SLC44A5: variants seen among roughly 807,000 people sequenced by gnomAD.
SLC44A5 encodes choline transporter-like protein 5.
A neutral mutation model predicts 101.8 loss-of-function variants in SLC44A5; 57 were observed. The ratio of observed to expected loss-of-function variants is 0.56; its 90% CI spans 0.45 to 0.70. The LOEUF is 0.70. SLC44A5 is among the 30% of genes least tolerant of loss of function. The pLI is 0.00. For missense variants in SLC44A5, 737 were observed against 853.1 expected (o/e 0.86, Z 1.70); for synonymous variants, 281 against 290.9 (o/e 0.97, Z 0.35).
chr1:75,505,241 T>C (rs138399693), intron 2 of SLC44A5, among the ~76,000 whole-genome samples: 2 of 152,260 alleles, frequency 1.3e-5, no homozygotes, highest in East Asian at 3.9e-4. Flanking sequence ...TTTATTCACA[T>C]TTTCTGTATT....
At chr1:75,237,179 C>A in intron 10 of SLC44A5, 109 bp from the exon 11 acceptor site, 2 of 614,160 alleles carry the variant, frequency 3.3e-6, no homozygotes, top group African/African-American at 1.8e-5. Context: ...AGCATGTTTT[C>A]AGAAACCATC....
At position 75,483,367 on chromosome 1, in the gene SLC44A5, C is replaced by G. The variant is rs1034300722; in HGVS notation, c.13+58068G>C. Among the ~76,000 whole-genome samples the G allele has an allele frequency of 2.6e-5, 4 of 152,140 alleles. No homozygotes were observed. The South Asian group carries it at 8.3e-4, about 32-fold the overall frequency. On this transcript the variant is annotated intron_variant, in intron 2 of 23. Coordinates refer to ENST00000370859, the MANE Select transcript of SLC44A5 (RefSeq NM_001130058.2). ...AAAAAAAGCTTAAAAACATTTGGTT[C>G]CCTAAAGCCACAAATAGTCTCATAG...
the SLC44A5 span, among the ~76,000 whole-genome samples, chr1:75,712,178 G>C: frequency 2.1e-4 from 32 of 152,204 alleles, no homozygotes; most frequent in Admixed American, 1.5e-3. Flanking sequence ...ACATGGTAAA[G>C]ACTGGTTTTA....
chr1:75,415,742 T>A (rs1475980154), intron 2 of SLC44A5, among the ~76,000 whole-genome samples: 1 of 152,088 alleles, frequency 6.6e-6, no homozygotes, highest in African/African-American at 2.4e-5. Context: ...TGGTCTCAGA[T>A]GGAAATGAGG....
Position 75,360,028 on chromosome 1 carries a change from T to C in SLC44A5, c.53-20398A>G, listed in dbSNP as rs1423648777. Among the ~76,000 whole-genome samples the C allele has an allele frequency of 2.0e-5, 3 of 152,220 alleles. No homozygotes were observed. The East Asian group carries it at 5.8e-4, about 29-fold the overall frequency. ...TTAATTGAGTTACTTGTTTCCTTGC[T>C]ACTGAGTTGTTTGAGCCTCTTATGT... On this transcript the variant is annotated intron_variant, in intron 3 of 23. Transcript: ENST00000370859.
chr1:75,214,709 C>T (rs191122514), intron 19 of SLC44A5, 31 bp from the exon 20 acceptor site: 47 of 1,557,960 alleles, frequency 3.0e-5, no homozygotes, highest in African/African-American at 1.9e-4. Context: ...TATTCTGGAG[C>T]CAGTAACATA....
At chr1:75,244,140 T>C (rs1648902181) in intron 7 of SLC44A5, among the ~76,000 whole-genome samples, 3 of 152,052 alleles carry the variant, frequency 2.0e-5, no homozygotes, top group Admixed American at 2.0e-4. Flanking sequence ...TCTTTATAAA[T>C]TACCCAGCGT....
intron 1 of SLC44A5, among the ~76,000 whole-genome samples, chr1:75,605,633 T>C (rs764924687): frequency 6.6e-6 from 1 of 152,060 alleles, no homozygotes; most frequent in Non-Finnish European, 1.5e-5. Context: ...GACTTTAATG[T>C]TCCTCTGTCA....
chr1:75,313,279 C>A (rs563932498), intron 4 of SLC44A5, among the ~76,000 whole-genome samples: 1 of 152,126 alleles, frequency 6.6e-6, no homozygotes, highest in South Asian at 2.1e-4. Flanking sequence ...TTCTCTCTAA[C>A]GGTTTTTAAC....
At chr1:75,555,070 C>T (rs1323944622) in intron 1 of SLC44A5, among the ~76,000 whole-genome samples, 1 of 152,112 alleles carries the variant, frequency 6.6e-6, no homozygotes, top group Non-Finnish European at 1.5e-5. Flanking sequence ...TCAACAATTA[C>T]ATTAAATGTA....
intron 3 of SLC44A5, among the ~76,000 whole-genome samples, chr1:75,371,683 A>C (rs1011373707): frequency 6.6e-6 from 1 of 152,236 alleles, no homozygotes; most frequent in East Asian, 1.9e-4. Context: ...CTAATCAATA[A>C]AAGATATATT....
At position 75,283,766 on chromosome 1, in the gene SLC44A5, C is replaced by CT. The variant is rs66555329; in HGVS notation, c.176-8725dup. Among the ~76,000 whole-genome samples, 793 of 150,206 alleles carry CT rather than the reference C, an allele frequency of 5.3e-3. 8 individuals carry two copies. The highest frequency in any genetic ancestry group is 0.018 in the African/African-American group (743 of 40,848). ...TGTTGAGCAGGATTTCCTTTCCCTA[C>CT]TTTTTTTTTTGTTTGCTTTGTCGAA... On this transcript the variant is annotated intron_variant, in intron 5 of 23. Coordinates refer to ENST00000370859, the MANE Select transcript of SLC44A5 (RefSeq NM_001130058.2).
intron 2 of SLC44A5, among the ~76,000 whole-genome samples, chr1:75,407,006 GAA>G (rs921640646): frequency 1.3e-5 from 2 of 151,844 alleles, no homozygotes; most frequent in Non-Finnish European, 2.9e-5. Context: ...GCAACTTCAG[GAA>G]AGTCTCAGGA....
chr1:75,285,086 T>C (rs1030944598), intron 5 of SLC44A5, among the ~76,000 whole-genome samples: 2 of 152,076 alleles, frequency 1.3e-5, no homozygotes, highest in Non-Finnish European at 2.9e-5. Flanking sequence ...TTGGTACAAC[T>C]TTTTCTTTGA....
At chr1:75,543,405 G>A (rs778705346) in intron 1 of SLC44A5, among the ~76,000 whole-genome samples, 24 of 151,532 alleles carry the variant, frequency 1.6e-4, no homozygotes, top group Non-Finnish European at 2.2e-4. Flanking sequence ...AAACCATCCC[G>A]CAAAAATATC....
intron 2 of SLC44A5, among the ~76,000 whole-genome samples, chr1:75,502,207 C>T (rs989177003): frequency 2.0e-5 from 3 of 152,118 alleles, no homozygotes; most frequent in Admixed American, 2.0e-4. Context: ...CAGGCACGCA[C>T]AACATGCACA....
intron 2 of SLC44A5, among the ~76,000 whole-genome samples, chr1:75,467,954 A>C (rs954525505): frequency 6.6e-6 from 1 of 152,188 alleles, no homozygotes; most frequent in Non-Finnish European, 1.5e-5. Context: ...CATAACCAGA[A>C]TACATAAGGA....
chr1:75,597,458 A>C (rs937321706), intron 1 of SLC44A5, among the ~76,000 whole-genome samples: 5 of 152,144 alleles, frequency 3.3e-5, no homozygotes, highest in Non-Finnish European at 7.4e-5. Flanking sequence ...TTCAAAATTC[A>C]TATAGAACCA....
the SLC44A5 span, among the ~76,000 whole-genome samples, chr1:75,721,548 G>C: frequency 1.3e-5 from 2 of 152,130 alleles, no homozygotes; most frequent in Non-Finnish European, 2.9e-5. Flanking sequence ...CACCAATAGT[G>C]GGACAAATCT....
Sources: gnomAD v4.1 joint callset for allele counts (sites outside exome capture counted in the v4.1 genomes callset) on GRCh38, gnomAD v4.1.1 for gene constraint, MANE v1.5 for transcripts, NCBI Gene and HGNC (gene_info 2026-07-23, HGNC 2026-07-21) for gene names.